ZNF141: variants seen among roughly 807,000 people sequenced by gnomAD.
The protein encoded by ZNF141 is zinc finger protein 141 (clone pHZ-44).
Under a neutral mutation model 11.3 loss-of-function variants are expected in ZNF141, and 7 were observed. That is an observed-to-expected ratio of 0.62 (90% CI 0.35 to 1.16). The LOEUF (loss-of-function observed/expected upper bound fraction) is 1.16, where lower values mean the gene tolerates loss of function less well. ZNF141 is among the 50% of genes most tolerant of loss of function. ZNF141 has a pLI of 0.02. For synonymous variants in ZNF141, 183 were observed against 190.7 expected (o/e 0.96, Z 0.33); for missense variants, 535 against 554.0 (o/e 0.97, Z 0.34).
chr4:367,515 C>A (rs1711804116), intron 3 of ZNF141, among the ~76,000 whole-genome samples: 1 of 146,206 alleles, frequency 6.8e-6, no homozygotes, highest in Non-Finnish European at 1.5e-5. Context: ...ATAAACTTTA[C>A]AATCTTTTTT....
intron 3 of ZNF141, among the ~76,000 whole-genome samples, chr4:345,694 C>T (rs1451550045): frequency 1.4e-5 from 2 of 147,780 alleles, no homozygotes; most frequent in Non-Finnish European, 3.0e-5. Context: ...TGCCATTGCA[C>T]TCCAGCCTGG....
chr4:362,272 T>A (rs756777648), intron 3 of ZNF141, among the ~76,000 whole-genome samples: 78 of 152,294 alleles, frequency 5.1e-4, no homozygotes, highest in Non-Finnish European at 9.0e-4. Context: ...TAGATTCTGG[T>A]TATTAGCCCT....
Position 383,607 on chromosome 4 carries a change from G to A in ZNF141, c.*9745G>A, listed in dbSNP as rs1357790158. ...AGCAGGGAACCTAAAGCCAGTTAAC[G>A]TGAACTTCCTACATCTAAACCAAAA... On this transcript the variant is annotated 3_prime_UTR_variant, in exon 4 of 4. Transcript: ENST00000240499. 1 of 155,548 alleles carries A rather than the reference G, an allele frequency of 6.4e-6. No homozygotes were observed. The allele number at this position is 155,548 out of a possible 1,614,324, so 9.6% of individuals were successfully genotyped here.
At chr4:369,862 G>A (rs1217032069) in intron 3 of ZNF141, among the ~76,000 whole-genome samples, 1 of 147,000 alleles carries the variant, frequency 6.8e-6, no homozygotes, top group African/African-American at 2.5e-5. Flanking sequence ...TGCCTCTTGG[G>A]TTCAAGCGAT....
chr4:357,039 CAACCTTTGT>C (rs1553851290), intron 3 of ZNF141, among the ~76,000 whole-genome samples: 2 of 152,106 alleles, frequency 1.3e-5, no homozygotes, highest in Admixed American at 6.5e-5. Context: ...AGTGCAGCCT[CAACCTTTGT>C]GGGCTCAAGC....
At position 383,306 on chromosome 4, in the gene ZNF141, C is replaced by G. The variant is rs1712746977; in HGVS notation, c.*9444C>G. ...AGCCTAAATTTCTAACCAGCTCAAT[C>G]CTGAGCTAGTATGTTTCGGGATTGT... On this transcript the variant is annotated 3_prime_UTR_variant, in exon 4 of 4. Transcript: ENST00000240499. 1.7e-6 allele frequency: 1 copy of G among 603,712 alleles called. No homozygotes were observed. Among genetic ancestry groups the G allele is most frequent in the South Asian group, 2.0e-5 (1 of 49,400 alleles). 37.4% of individuals were successfully genotyped at this position (603,712 alleles called of 1,614,324 possible). A position where few individuals can be genotyped will look rare whatever the true frequency, so the allele number is the denominator to read the frequency against.
chr4:361,326 A>AT (rs1722099813), intron 3 of ZNF141, among the ~76,000 whole-genome samples: 1 of 137,366 alleles, frequency 7.3e-6, no homozygotes, highest in East Asian at 2.1e-4. Context: ...CTTTTTGACT[A>AT]TTTTTTTTAA....
At chr4:344,032 A>G (rs1553849017) in intron 2 of ZNF141, 124 bp downstream of exon 2, 5 of 1,348,024 alleles carry the variant, frequency 3.7e-6, no homozygotes, top group East Asian at 2.5e-5. Context: ...TCTTGAGCTA[A>G]TTTGAGTCCT....
intron 3 of ZNF141, among the ~76,000 whole-genome samples, chr4:347,424 C>G (rs1280579493): frequency 6.6e-5 from 10 of 150,722 alleles, no homozygotes; most frequent in South Asian, 2.1e-4. Flanking sequence ...ACTGCAAGCT[C>G]CGCCTCCTGG....
chr4:345,402 G>A (rs1430538078), intron 3 of ZNF141, among the ~76,000 whole-genome samples: 23 of 152,076 alleles, frequency 1.5e-4, no homozygotes, highest in Admixed American at 2.6e-4. Context: ...ATAGTTTAAA[G>A]CATGGATTTC....
chr4:369,554 A>G (rs1239380379), intron 3 of ZNF141, among the ~76,000 whole-genome samples: 1 of 151,600 alleles, frequency 6.6e-6, no homozygotes, highest in Non-Finnish European at 1.5e-5. Flanking sequence ...AATTTGCTGA[A>G]ATAGAAAGGC....
chr4:356,118 C>T (rs1009811132), intron 3 of ZNF141, among the ~76,000 whole-genome samples: 6 of 151,256 alleles, frequency 4.0e-5, no homozygotes, highest in Admixed American at 2.6e-4. Context: ...GTAATCCCAG[C>T]TACTCAGGAG....
chr4:360,435 A>G (rs1432283969), intron 3 of ZNF141, among the ~76,000 whole-genome samples: 1 of 152,214 alleles, frequency 6.6e-6, no homozygotes, highest in Non-Finnish European at 1.5e-5. Context: ...GGCATGTCAA[A>G]GATTCAAAAT....
At chr4:361,833 A>C (rs1711513270) in intron 3 of ZNF141, among the ~76,000 whole-genome samples, 1 of 152,336 alleles carries the variant, frequency 6.6e-6, no homozygotes, top group Admixed American at 6.5e-5. Flanking sequence ...TGCCGCAGTA[A>C]ACATACATGT....
At chr4:339,443 C>G (rs1553848079) in intron 1 of ZNF141, among the ~76,000 whole-genome samples, 1 of 152,220 alleles carries the variant, frequency 6.6e-6, no homozygotes. Context: ...CCCCACAAAT[C>G]CTCTTTCCTG....
At chr4:356,229 TCA>T (rs1721834755) in intron 3 of ZNF141, among the ~76,000 whole-genome samples, 1 of 97,658 alleles carries the variant, frequency 1.0e-5, no homozygotes, top group Admixed American at 9.9e-5. Context: ...AGGCTCCGTC[TCA>T]AAAAAAAAAA....
In ZNF141 at chr4:374,007, A is replaced by G. The variant is rs1712229769; in HGVS notation, c.*145A>G. ...CTTTACCTCATTCTCAAACCTTGAT[A>G]AACATAAGAGAATTCATACCGGAGA... is the stretch of plus-strand genomic sequence containing the variant. On this transcript the variant is annotated 3_prime_UTR_variant, in exon 4 of 4. Transcript: ENST00000240499. 4 of 747,786 alleles carry G rather than the reference A, an allele frequency of 5.3e-6. No homozygotes were observed. The highest frequency in any genetic ancestry group is 9.0e-6 in the Non-Finnish European group (4 of 443,550). 46.3% of individuals were successfully genotyped at this position (747,786 alleles called of 1,614,324 possible).
chr4:366,493 G>A (rs565756754), intron 3 of ZNF141, among the ~76,000 whole-genome samples: 24 of 151,880 alleles, frequency 1.6e-4, no homozygotes, highest in Admixed American at 1.2e-3. Flanking sequence ...TAGTAGTGAC[G>A]GGGTTTCACC....
intron 3 of ZNF141, among the ~76,000 whole-genome samples, chr4:348,770 C>A (rs1721458689): frequency 6.7e-6 from 1 of 149,830 alleles, no homozygotes; most frequent in Non-Finnish European, 1.5e-5. Flanking sequence ...CAGCTTTGTT[C>A]TTTCTCAAGA....
Sources: gnomAD v4.1 joint callset for allele counts (sites outside exome capture counted in the v4.1 genomes callset) on GRCh38, gnomAD v4.1.1 for gene constraint, MANE v1.5 for transcripts, NCBI Gene and HGNC (gene_info 2026-07-23, HGNC 2026-07-21) for gene names.